NRXN1: variants seen among roughly 807,000 people sequenced by gnomAD.
NRXN1 encodes the protein neurexin 1, also known as neurexin-1.
Under a neutral mutation model 150.9 loss-of-function variants are expected in NRXN1, and 39 were observed. The observed-to-expected ratio is 0.26, with a 90% CI of 0.20 to 0.34. NRXN1 has a LOEUF of 0.34. NRXN1 is among the 10% of genes least tolerant of loss of function. The pLI, the probability that NRXN1 is intolerant of heterozygous loss-of-function variation, is 1.00. For synonymous variants in NRXN1, 924 were observed against 757.0 expected, an observed-to-expected ratio of 1.22 and a Z score of -3.62; for missense variants, 1,815 against 1,949.9, an observed-to-expected ratio of 0.93 and a Z score of 1.30.
intron 18 of NRXN1, among the ~76,000 whole-genome samples, chr2:50,196,763 T>C (rs1304472035): frequency 6.6e-6 from 1 of 152,208 alleles, no homozygotes; most frequent in East Asian, 1.9e-4. Context: ...TGCAGGAATA[T>C]GGATGGAGCT....
intron 22 of NRXN1, among the ~76,000 whole-genome samples, chr2:49,936,026 G>A (rs901015013): frequency 2.6e-5 from 4 of 152,126 alleles, no homozygotes; most frequent in African/African-American, 9.7e-5. Context: ...AAATTGTGAT[G>A]TGAAACCGAT....
At chr2:50,949,844 C>A (rs1237432736) in intron 2 of NRXN1, among the ~76,000 whole-genome samples, 1 of 152,074 alleles carries the variant, frequency 6.6e-6, no homozygotes, top group Non-Finnish European at 1.5e-5. Context: ...ATGAGTGGTT[C>A]CAGAGCCACA....
intron 5 of NRXN1, among the ~76,000 whole-genome samples, chr2:50,759,702 G>A (rs1338978344): frequency 6.6e-6 from 1 of 151,682 alleles, no homozygotes; most frequent in African/African-American, 2.4e-5. Context: ...AGGACATGAG[G>A]GTAAATATGC....
intron 18 of NRXN1, among the ~76,000 whole-genome samples, chr2:50,095,792 A>T (rs953314285): frequency 2.7e-5 from 4 of 148,400 alleles, no homozygotes; most frequent in Non-Finnish European, 4.5e-5. Context: ...TTATATATAT[A>T]TTTTTTTATT....
intron 17 of NRXN1, among the ~76,000 whole-genome samples, chr2:50,260,756 T>C (rs576369484): frequency 4.0e-4 from 60 of 150,860 alleles, no homozygotes; most frequent in Admixed American, 8.0e-4. Flanking sequence ...TAATCCAAGA[T>C]GTATGAAGAA....
At chr2:50,542,796 C>A (rs2105288222) in intron 9 of NRXN1, among the ~76,000 whole-genome samples, 1 of 152,196 alleles carries the variant, frequency 6.6e-6, no homozygotes, top group East Asian at 1.9e-4. Flanking sequence ...TCCCAGACCT[C>A]CTTAATGACT....
chr2:50,330,619 G>C (rs377504480), intron 17 of NRXN1, among the ~76,000 whole-genome samples: 11 of 152,226 alleles, frequency 7.2e-5, no homozygotes, highest in African/African-American at 2.6e-4. Flanking sequence ...TAAACTGTCA[G>C]CTTAATGGTG....
chr2:50,566,530 C>T (rs1669891127), intron 8 of NRXN1, among the ~76,000 whole-genome samples: 3 of 151,492 alleles, frequency 2.0e-5, no homozygotes, highest in African/African-American at 7.3e-5. Flanking sequence ...GTTGGGATTA[C>T]AGGCGTGAGC....
In NRXN1 at chr2:50,785,229, T is replaced by G. The variant is rs192785600; in HGVS notation, c.832+136640A>C. ...GATCGTGGATTCCACCCTCTAGAAC[T>G]CTGAGAAAATACACTTTTTTTTTTT... On this transcript the variant is annotated intron_variant, in intron 5 of 22. Transcript: ENST00000401669. Among the ~76,000 whole-genome samples the G allele has an allele frequency of 4.7e-5, 7 of 149,264 alleles. No individual in the cohort carries two copies. The South Asian group carries it at 1.3e-3, about 27-fold the overall frequency.
intron 21 of NRXN1, among the ~76,000 whole-genome samples, chr2:50,004,249 G>A (rs1684405885): frequency 2.0e-5 from 3 of 152,198 alleles, no homozygotes; most frequent in Non-Finnish European, 2.9e-5. Context: ...AGACACTCTT[G>A]TGAGTAAGGA....
chr2:50,688,987 A>G (rs1006669279), intron 5 of NRXN1, among the ~76,000 whole-genome samples: 1 of 152,168 alleles, frequency 6.6e-6, no homozygotes, highest in Non-Finnish European at 1.5e-5. Flanking sequence ...GAGACTTATA[A>G]AAATAAATAT....
At chr2:50,383,826 T>G (rs532001023) in intron 17 of NRXN1, among the ~76,000 whole-genome samples, 1 of 152,320 alleles carries the variant, frequency 6.6e-6, no homozygotes, top group South Asian at 2.1e-4. Context: ...TGATTCTAGC[T>G]AATCAAATCT....
intron 8 of NRXN1, among the ~76,000 whole-genome samples, chr2:50,605,370 G>A (rs916928742): frequency 1.3e-5 from 2 of 151,922 alleles, no homozygotes; most frequent in East Asian, 4.0e-4. Flanking sequence ...GGCACTCAGT[G>A]AGGGCTTGTA....
intron 5 of NRXN1, among the ~76,000 whole-genome samples, chr2:50,827,758 C>T (rs967434775): frequency 1.3e-5 from 2 of 151,412 alleles, no homozygotes; most frequent in Admixed American, 6.6e-5. Context: ...TGCGGCCTTC[C>T]GCAGTGTTTG....
chr2:50,216,183 G>A (rs531895673), intron 18 of NRXN1, among the ~76,000 whole-genome samples: 1 of 151,864 alleles, frequency 6.6e-6, no homozygotes, highest in Admixed American at 6.6e-5. Context: ...ATCCCACCAC[G>A]GCACCCCAGC....
chr2:50,785,966 C>G (rs1290060125), intron 5 of NRXN1, among the ~76,000 whole-genome samples: 4 of 151,960 alleles, frequency 2.6e-5, no homozygotes, highest in African/African-American at 9.7e-5. Flanking sequence ...TGTGGTATAA[C>G]AGCCACGCCC....
At chr2:50,202,319 A>T (rs2062231238) in intron 18 of NRXN1, among the ~76,000 whole-genome samples, 3 of 152,294 alleles carry the variant, frequency 2.0e-5, no homozygotes, top group Middle Eastern at 3.4e-3. Context: ...ACCCTGGCTA[A>T]CACGGTGAAA....
At chr2:50,997,454 A>T (rs1202269318) in intron 2 of NRXN1, among the ~76,000 whole-genome samples, 1 of 106,228 alleles carries the variant, frequency 9.4e-6, no homozygotes, top group South Asian at 3.0e-4. Flanking sequence ...TTTTTTGATT[A>T]AAATTTTCCA....
intron 5 of NRXN1, among the ~76,000 whole-genome samples, chr2:50,759,791 T>C (rs1366490657): frequency 6.6e-6 from 1 of 151,554 alleles, no homozygotes; most frequent in Admixed American, 6.6e-5. Flanking sequence ...TGCAAACTTT[T>C]CTGACCAATG....
Sources: allele counts gnomAD v4.1 joint callset (sites outside exome capture counted in the v4.1 genomes callset), GRCh38; gene constraint gnomAD v4.1.1; transcripts MANE v1.5; gene names NCBI Gene and HGNC (gene_info 2026-07-23, HGNC 2026-07-21).